Variants in TMEM144 observed in about 807,000 individuals in gnomAD.
TMEM144 encodes the protein transmembrane protein 144.
A neutral mutation model predicts 43.6 loss-of-function variants in TMEM144; 39 were observed. That is an observed-to-expected ratio of 0.90 (90% CI 0.69 to 1.17). TMEM144 has a LOEUF of 1.17. Ranked by LOEUF, TMEM144 falls within the 50% of genes most tolerant of loss-of-function variation. TMEM144 has a pLI of 0.00. For missense variants in TMEM144, 417 were observed against 411.9 expected (o/e 1.01, Z -0.11); for synonymous variants, 154 against 133.6 (o/e 1.15, Z -1.06).
chr4:158,240,476 T>G, intron 10 of TMEM144, 58 bp downstream of exon 10: 1 of 1,523,198 alleles, frequency 6.6e-7, no homozygotes, highest in East Asian at 2.3e-5. Flanking sequence ...ACAACTCATT[T>G]AACTTGAATA....
At chr4:158,221,765 C>T (rs1175029362) in intron 6 of TMEM144, among the ~76,000 whole-genome samples, 1 of 152,136 alleles carries the variant, frequency 6.6e-6, no homozygotes, top group Non-Finnish European at 1.5e-5. Context: ...TTCCTCAAGC[C>T]ACAGCCCTTA....
chr4:158,222,396 CA>C, intron 6 of TMEM144, among the ~76,000 whole-genome samples: 1 of 152,302 alleles, frequency 6.6e-6, no homozygotes, highest in East Asian at 1.9e-4. Context: ...TTCATTGACC[CA>C]GGATTACACC....
intron 12 of TMEM144, among the ~76,000 whole-genome samples, chr4:158,253,045 T>G (rs1736288679): frequency 6.6e-6 from 1 of 152,198 alleles, no homozygotes; most frequent in Admixed American, 6.5e-5. Context: ...AATTCACTGA[T>G]ACTTGTAGTT....
In TMEM144 at chr4:158,254,440, T is replaced by G. The variant is rs1736375594; in HGVS notation, c.*913T>G. 1 of 149,522 alleles carries G rather than the reference T, an allele frequency of 6.7e-6. No individual in the cohort carries two copies. The highest frequency in any genetic ancestry group is 1.5e-5 in the Non-Finnish European group (1 of 67,244). The allele number at this position is 149,522 out of a possible 1,614,324, so 9.3% of individuals were successfully genotyped here. Reference sequence around the variant, plus strand: ...ATAAAATGACAGGCATGCTAGTTTTTTTTTTTTTTTTTTTTTTTTAAGAAA... The same window carrying G: ...ATAAAATGACAGGCATGCTAGTTTTGTTTTTTTTTTTTTTTTTTTAAGAAA... On this transcript the variant is annotated 3_prime_UTR_variant, in exon 13 of 13. Coordinates refer to ENST00000296529, the MANE Select transcript of TMEM144 (RefSeq NM_018342.5).
chr4:158,224,858 ACT>A (rs764607910), intron 6 of TMEM144, among the ~76,000 whole-genome samples: 4 of 152,130 alleles, frequency 2.6e-5, no homozygotes, highest in Admixed American at 6.5e-5. Flanking sequence ...CTCCCAGTCT[ACT>A]GATGTTTAAG....
Position 158,240,335 on chromosome 4 carries a change from T to A in TMEM144, c.719T>A (p.Phe240Tyr). ...GTGTTTGCGCACTTCAGTGGCATCTTTCTTACAAGTACTGTCTACTTTCTG... is the reference window on the plus strand; with the variant it reads ...GTGTTTGCGCACTTCAGTGGCATCTATCTTACAAGTACTGTCTACTTTCTG... Reference protein sequence around the residue: ...DYVFAHFSGIFLTSTVYFLAY... With the variant: ...DYVFAHFSGIYLTSTVYFLAY... The change falls in exon 10 of 13, where the codon TTT becomes TAT. Residue 240 changes from phenylalanine (F) to tyrosine (Y), a missense_variant. By Grantham distance (22) the Phe-to-Tyr change is conservative (BLOSUM62 3). Transcript: ENST00000296529. 1 of 1,613,910 alleles carries A rather than the reference T, an allele frequency of 6.2e-7. No individual in the cohort carries two copies. Among genetic ancestry groups the A allele is most frequent in the East Asian group, 2.2e-5 (1 of 44,856 alleles).
At chr4:158,234,987 C>T (rs1735269030) in intron 7 of TMEM144, 1 of 152,586 alleles carries the variant, frequency 6.6e-6, no homozygotes, top group African/African-American at 2.4e-5. Context: ...TTTTTCCTGG[C>T]TTAGAATATC....
chr4:158,215,335 A>T, intron 4 of TMEM144, 22 bp downstream of exon 4: 1 of 1,609,708 alleles, frequency 6.2e-7, no homozygotes, highest in East Asian at 2.2e-5. Flanking sequence ...TATAACTTAT[A>T]CTTTTATTAT....
chr4:158,229,318 C>T (rs568762236), intron 6 of TMEM144, among the ~76,000 whole-genome samples: 14 of 152,184 alleles, frequency 9.2e-5, no homozygotes, highest in African/African-American at 3.4e-4. Context: ...TGCTCCCGCG[C>T]TTAGAGATGT....
At position 158,237,676 on chromosome 4, in the gene TMEM144, A is replaced by G. The variant is rs778527136; in HGVS notation, c.682+33A>G. 15 of 1,363,990 alleles carry G rather than the reference A, an allele frequency of 1.1e-5. No individual in the cohort carries two copies. The Admixed American group carries it at 2.7e-4, about 25-fold the overall frequency. The allele number at this position is 1,363,990 out of a possible 1,614,324, so 84.5% of individuals were successfully genotyped here. A position where few individuals can be genotyped will look rare whatever the true frequency, so the allele number is the denominator to read the frequency against. On this transcript the variant is annotated intron_variant, in intron 9 of 12. Transcript: ENST00000296529. The stretch of plus-strand genomic sequence containing the variant: ...TAAAAAGTTATCTTACTTTATTAAT[A>G]TCTACTTTTTATGAATATAAAAAGA...
In TMEM144 at chr4:158,212,747, T is replaced by C; in HGVS notation, c.80T>C (p.Val27Ala). The C allele has an allele frequency of 6.2e-7, 1 of 1,613,872 alleles. No individual in the cohort carries two copies. The highest frequency in any genetic ancestry group is 8.5e-7 in the Non-Finnish European group (1 of 1,179,840). ...VAILLFGSNF[V>A]PLKKFDTGDG... is the part of the protein sequence containing the mutation. ...ATCCTTTTGTTTGGCTCAAATTTTG[T>C]GCCACTTAAAAAATTTGATACTGGT... The change falls in exon 3 of 13, where the codon GTG (valine) becomes GCG (alanine). Residue 27 changes from valine to alanine, a missense_variant. Physicochemically the swap from Val to Ala is moderately conservative, Grantham distance 64. Coordinates refer to ENST00000296529, the MANE Select transcript of TMEM144 (RefSeq NM_018342.5).
chr4:158,215,343 T>C lies in TMEM144; in HGVS notation c.232+30T>C, dbSNP rs201877623. The C allele has an allele frequency of 2.9e-5, 47 of 1,606,336 alleles. No homozygotes were observed. In the African/African-American group the frequency reaches 4.8e-4, roughly 16 times the overall value. ...TGTCTGATATAACTTATACTTTTAT[T>C]ATGTAACATAATGATAAAAATAATT... On this transcript the variant is annotated intron_variant, in intron 4 of 12. Coordinates refer to ENST00000296529, the MANE Select transcript of TMEM144 (RefSeq NM_018342.5).
At chr4:158,233,015 A>G in intron 7 of TMEM144, 33 bp downstream of exon 7, 1 of 1,476,778 alleles carries the variant, frequency 6.8e-7, no homozygotes. Flanking sequence ...CTTGATTTGA[A>G]ACATAAAATT....
At chr4:158,215,155 A>G (rs777303483) in intron 3 of TMEM144, 36 bp from the exon 4 acceptor site, 11 of 1,612,450 alleles carry the variant, frequency 6.8e-6, no homozygotes, top group Admixed American at 6.7e-5. Context: ...ACTCAATTCA[A>G]TTTGAACCAC....
At chr4:158,222,884 C>T (rs572760018) in intron 6 of TMEM144, among the ~76,000 whole-genome samples, 1 of 152,278 alleles carries the variant, frequency 6.6e-6, no homozygotes, top group South Asian at 2.1e-4. Flanking sequence ...CATCAAGTTT[C>T]CTTTTAAATT....
Position 158,253,632 on chromosome 4 carries a change from T to A in TMEM144, c.*105T>A. The A allele has an allele frequency of 1.2e-6, 1 of 866,070 alleles. No individual in the cohort carries two copies. The highest frequency in any genetic ancestry group is 1.8e-6 in the Non-Finnish European group (1 of 549,706). The allele number at this position is 866,070 out of a possible 1,614,324, so 53.6% of individuals were successfully genotyped here. ...AGTGCATTTTCATATAGCAAATGGA[T>A]CTCAGCCACTGTTGGAGTGGGTAAA... is the stretch of plus-strand genomic sequence containing the variant. On this transcript the variant is annotated 3_prime_UTR_variant, in exon 13 of 13. Coordinates refer to ENST00000296529, the MANE Select transcript of TMEM144 (RefSeq NM_018342.5).
At chr4:158,222,142 A>C (rs1200806481) in intron 6 of TMEM144, among the ~76,000 whole-genome samples, 3 of 151,814 alleles carry the variant, frequency 2.0e-5, no homozygotes, top group African/African-American at 7.3e-5. Flanking sequence ...CTACCTACCC[A>C]CTTGTATACA....
intron 9 of TMEM144, among the ~76,000 whole-genome samples, chr4:158,239,893 T>A (rs983113886): frequency 6.6e-6 from 1 of 151,560 alleles, no homozygotes; most frequent in African/African-American, 2.4e-5. Flanking sequence ...ATGGGGTTTT[T>A]TTTTTTTTTT....
Position 158,254,435 on chromosome 4 carries a change from G to GTTTTTTTT in TMEM144, c.*925_*932dup, listed in dbSNP as rs5863316. The GTTTTTTTT allele has an allele frequency of 1.7e-5, 2 of 120,756 alleles. No homozygotes were observed. Among genetic ancestry groups the GTTTTTTTT allele is most frequent in the African/African-American group, 3.0e-5 (1 of 33,472 alleles). 7.5% of individuals were successfully genotyped at this position (120,756 alleles called of 1,614,324 possible). The stretch of plus-strand genomic sequence containing the variant: ...GCAAAATAAAATGACAGGCATGCTA[G>GTTTTTTTT]TTTTTTTTTTTTTTTTTTTTTTTTA... On this transcript the variant is annotated 3_prime_UTR_variant, in exon 13 of 13. Coordinates refer to ENST00000296529, the MANE Select transcript of TMEM144 (RefSeq NM_018342.5).
Sources: gnomAD v4.1 joint callset for allele counts (sites outside exome capture counted in the v4.1 genomes callset) on GRCh38, gnomAD v4.1.1 for gene constraint, MANE v1.5 for transcripts, NCBI Gene and HGNC (gene_info 2026-07-23, HGNC 2026-07-21) for gene names.